Variants in GRIK5 observed in about 807,000 individuals in gnomAD.
GRIK5 encodes glutamate ionotropic receptor kainate type subunit 5.
Under a neutral mutation model 97.4 loss-of-function variants are expected in GRIK5, and 43 were observed. The observed-to-expected ratio is 0.44, with a 90% CI of 0.35 to 0.57. The LOEUF is 0.57. Among genes scored for constraint, GRIK5 ranks in the 20% least tolerant of loss-of-function variants. The pLI is 0.01. For missense variants in GRIK5, 1,015 were observed against 1,382.0 expected (o/e 0.73, Z 4.21); for synonymous variants, 580 against 583.5 (o/e 0.99, Z 0.09).
At position 42,065,787 on chromosome 19, in the gene GRIK5, T is replaced by C; in HGVS notation, c.-17A>G. ...AGCCGGCATCTTCCTCCCCTCCTCA[T>C]GGGGACGCAGCTGCCGCGGCCCCCA... On this transcript the variant is annotated 5_prime_UTR_variant, in exon 2 of 20. The change abolishes an upstream ATG in the 5' untranslated region. Transcript: ENST00000593562. The surrounding 1 kb of genome is among the most constrained non-coding windows in gnomAD (Gnocchi z 5.8). 6.4e-7 allele frequency: 1 copy of C among 1,557,404 alleles called. No homozygotes were observed. The highest frequency in any genetic ancestry group is 8.7e-7 in the Non-Finnish European group (1 of 1,151,964).
chr19:42,039,298 A>C (rs2075948870), intron 12 of GRIK5, among the ~76,000 whole-genome samples: 1 of 151,804 alleles, frequency 6.6e-6, no homozygotes, highest in Non-Finnish European at 1.5e-5. Context: ...ACATGGCGAA[A>C]CCCATCTCTA....
intron 12 of GRIK5, among the ~76,000 whole-genome samples, chr19:42,036,607 C>T (rs538031675): frequency 2.6e-5 from 4 of 152,024 alleles, no homozygotes; most frequent in African/African-American, 4.8e-5. Flanking sequence ...CCTCCCACTT[C>T]GGCCTCCCAA....
chr19:42,013,602 G>A (rs2075591040), intron 15 of GRIK5, among the ~76,000 whole-genome samples: 1 of 151,734 alleles, frequency 6.6e-6, no homozygotes, highest in Admixed American at 6.6e-5. Context: ...AGTAGAGACA[G>A]GGTTTCACCA....
At chr19:42,056,614 T>C in intron 8 of GRIK5, 48 bp downstream of exon 8, 1 of 1,559,236 alleles carries the variant, frequency 6.4e-7, no homozygotes, top group Non-Finnish European at 8.8e-7. Context: ...GCCCCAGAAG[T>C]ATCTGTGCAG....
chr19:42,002,194 G>A lies in GRIK5; in HGVS notation c.2514+1138C>T. The A allele has an allele frequency of 1.4e-6, 1 of 717,612 alleles. No individual in the cohort carries two copies. The highest frequency in any genetic ancestry group is 2.6e-6 in the Non-Finnish European group (1 of 385,136). 44.5% of individuals were successfully genotyped at this position (717,612 alleles called of 1,614,324 possible). On this transcript the variant is annotated intron_variant, in intron 19 of 19. Coordinates refer to ENST00000593562, the MANE Select transcript of GRIK5 (RefSeq NM_002088.5). The surrounding 1 kb of genome is among the most constrained non-coding windows in gnomAD (Gnocchi z 5.2). The stretch of plus-strand genomic sequence containing the variant: ...GATGCCAGACTGGAGTGGGGGGCAA[G>A]AGGAAATGGGAGGAAAGAAGAAACT...
chr19:42,038,568 G>T (rs2075937237), intron 12 of GRIK5, among the ~76,000 whole-genome samples: 1 of 152,238 alleles, frequency 6.6e-6, no homozygotes, highest in South Asian at 2.1e-4. Flanking sequence ...CTCAGACAAG[G>T]GCCTGGCACA....
At chr19:42,019,983 G>T (rs1308264699) in intron 15 of GRIK5, among the ~76,000 whole-genome samples, 5 of 148,902 alleles carry the variant, frequency 3.4e-5, no homozygotes, top group South Asian at 2.1e-4. Context: ...GGGTTTTTTT[G>T]GGGGTTTTTT....
chr19:42,033,951 G>A (rs1404463342), intron 12 of GRIK5, among the ~76,000 whole-genome samples: 1 of 152,142 alleles, frequency 6.6e-6, no homozygotes, highest in African/African-American at 2.4e-5. Flanking sequence ...AGTGAGCCGT[G>A]GTCGTGCCAC....
At chr19:42,049,143 T>A (rs1395154395) in intron 11 of GRIK5, among the ~76,000 whole-genome samples, 1 of 152,174 alleles carries the variant, frequency 6.6e-6, no homozygotes, top group East Asian at 1.9e-4. Flanking sequence ...CATATATGGT[T>A]GGTACCTTTA....
intron 1 of GRIK5, chr19:42,068,453 T>A: frequency 3.0e-6 from 1 of 328,166 alleles, no homozygotes. Context: ...AAAGTCAGCA[T>A]GGACCACGGA....
chr19:41,999,010 T>G lies in GRIK5; in HGVS notation c.2804A>C (p.Glu935Ala). The G allele has an allele frequency of 8.3e-7, 1 of 1,201,044 alleles. No individual in the cohort carries two copies. The highest frequency in any genetic ancestry group is 1.0e-6 in the Non-Finnish European group (1 of 960,432). The allele number at this position is 1,201,044 out of a possible 1,614,324, so 74.4% of individuals were successfully genotyped here. A position where few individuals can be genotyped will look rare whatever the true frequency, so the allele number is the denominator to read the frequency against. ...TPCTHVRVCQECRRIQALRAS... is the reference protein window; with the variant it reads ...TPCTHVRVCQACRRIQALRAS... ...CCGCAGCGCCTGGATGCGCCGGCAC[T>G]CCTGGCAGACGCGCACGTGGGTGCA... Residue 935 changes from glutamate to alanine, a missense_variant, in exon 20 of 20, where the codon GAG becomes GCG. Glu to Ala is a moderately radical substitution (Grantham distance 107). Around this residue, in one of 5 missense-constraint regions of GRIK5, gnomAD observed 109 missense variants for 100.4 expected, o/e 1.09. Coordinates refer to ENST00000593562, the MANE Select transcript of GRIK5 (RefSeq NM_002088.5). This position sits in a 1 kb window ranked among gnomAD's most constrained non-coding sequence, Gnocchi z 5.0.
At chr19:42,031,109 G>C (rs189145712) in intron 12 of GRIK5, among the ~76,000 whole-genome samples, 118 of 152,304 alleles carry the variant, frequency 7.7e-4, no homozygotes, top group Admixed American at 1.2e-3. Flanking sequence ...GTGCTGACTT[G>C]CTCCAATAGA....
chr19:42,022,737 G>A lies in GRIK5; in HGVS notation c.1474-383C>T. 1.2e-6 allele frequency: 1 copy of A among 846,530 alleles called. No individual in the cohort carries two copies. Among genetic ancestry groups the A allele is most frequent in the Non-Finnish European group, 1.4e-6 (1 of 703,326 alleles). 52.4% of individuals were successfully genotyped at this position (846,530 alleles called of 1,614,324 possible). ...ACTGACAGCACTCGAGATAATACAGGCCCGGACAGAACACAGAGCAGGGAG... is the reference window on the plus strand; with the variant it reads ...ACTGACAGCACTCGAGATAATACAGACCCGGACAGAACACAGAGCAGGGAG... On this transcript the variant is annotated intron_variant, in intron 12 of 19. Coordinates refer to ENST00000593562, the MANE Select transcript of GRIK5 (RefSeq NM_002088.5). This position sits in a 1 kb window ranked among gnomAD's most constrained non-coding sequence, Gnocchi z 4.2.
At position 41,998,666 on chromosome 19, in the gene GRIK5, C is replaced by A. The variant is rs894647963; in HGVS notation, c.*205G>T. 2.5e-5 allele frequency: 5 copies of A among 198,498 alleles called. No individual in the cohort carries two copies. Among genetic ancestry groups the A allele is most frequent in the Middle Eastern group, 1.9e-3 (1 of 540 alleles). The allele number at this position is 198,498 out of a possible 1,614,324, so 12.3% of individuals were successfully genotyped here. On this transcript the variant is annotated 3_prime_UTR_variant, in exon 20 of 20. Coordinates refer to ENST00000593562, the MANE Select transcript of GRIK5 (RefSeq NM_002088.5). The stretch of plus-strand genomic sequence containing the variant: ...TCCTGCGCCCTTCTCGCCCGCGGCA[C>A]CCTCTCGCGAGTCCACTGGGGGGCG...
rs2075486656 is a variant in GRIK5, at chr19:42,006,094, G to A, written c.2038-146C>T. The A allele has an allele frequency of 1.6e-6, 1 of 635,764 alleles. No homozygotes were observed. The highest frequency in any genetic ancestry group is 2.9e-6 in the Non-Finnish European group (1 of 348,940). The allele number at this position is 635,764 out of a possible 1,614,324, so 39.4% of individuals were successfully genotyped here. A position where few individuals can be genotyped will look rare whatever the true frequency, so the allele number is the denominator to read the frequency against. ...AAGACAGAGCCAAAGGTAGAGGAGAGAGAGGAGATGGACAAACTGTCCAGG... is the reference window on the plus strand; with the variant it reads ...AAGACAGAGCCAAAGGTAGAGGAGAAAGAGGAGATGGACAAACTGTCCAGG... On this transcript the variant is annotated intron_variant, in intron 16 of 19. Coordinates refer to ENST00000593562, the MANE Select transcript of GRIK5 (RefSeq NM_002088.5). The surrounding 1 kb of genome is among the most constrained non-coding windows in gnomAD (Gnocchi z 5.3).
intron 15 of GRIK5, among the ~76,000 whole-genome samples, chr19:42,015,741 C>T (rs1252592555): frequency 2.0e-5 from 3 of 152,022 alleles, no homozygotes; most frequent in African/African-American, 7.3e-5. Flanking sequence ...GCTGCAGGAC[C>T]CCAGAGCAAC....
intron 12 of GRIK5, among the ~76,000 whole-genome samples, chr19:42,027,966 G>A (rs980475719): frequency 4.6e-5 from 7 of 152,058 alleles, no homozygotes; most frequent in Non-Finnish European, 7.4e-5. Context: ...TGAGTAGCTG[G>A]GACTATAGGT....
intron 19 of GRIK5, among the ~76,000 whole-genome samples, chr19:42,000,806 GGT>G (rs1294615236): frequency 2.6e-5 from 4 of 152,196 alleles, no homozygotes; most frequent in African/African-American, 9.7e-5. Context: ...CAGCTGCCAT[GGT>G]GTGAGGACAC....
chr19:42,006,164 T>TG lies in GRIK5; in HGVS notation c.2038-217dup, dbSNP rs1404702115. On this transcript the variant is annotated intron_variant, in intron 16 of 19. Coordinates refer to ENST00000593562, the MANE Select transcript of GRIK5 (RefSeq NM_002088.5). The surrounding 1 kb of genome is among the most constrained non-coding windows in gnomAD (Gnocchi z 5.3). Reference sequence around the variant, plus strand: ...ACAGCCACTGTGCCCACCACCCACCTGGGGGGCCCGGTGAGTGCACCTCCA... The same window carrying TG: ...ACAGCCACTGTGCCCACCACCCACCTGGGGGGGCCCGGTGAGTGCACCTCCA... 6.6e-6 allele frequency among the ~76,000 whole-genome samples: 1 copy of TG among 152,080 alleles called. No individual in the cohort carries two copies. Among genetic ancestry groups the TG allele is most frequent in the Non-Finnish European group, 1.5e-5 (1 of 67,990 alleles).
Sources: allele counts gnomAD v4.1 joint callset (sites outside exome capture counted in the v4.1 genomes callset), GRCh38; gene constraint gnomAD v4.1.1; regional missense constraint gnomAD v4.1.1; non-coding constraint Gnocchi (gnomAD v3.1); transcripts MANE v1.5; gene names NCBI Gene and HGNC (gene_info 2026-07-23, HGNC 2026-07-21).